USP3: variants seen among roughly 807,000 people sequenced by gnomAD.
The protein encoded by USP3 is ubiquitin carboxyl-terminal hydrolase 3.
In USP3, 20 loss-of-function variants were observed where a neutral mutation model predicts 72.3. The observed-to-expected ratio is 0.28, with a 90% CI of 0.19 to 0.40. The LOEUF (loss-of-function observed/expected upper bound fraction) is 0.40, where lower values mean the gene tolerates loss of function less well. Among genes scored for constraint, USP3 ranks in the 10% least tolerant of loss-of-function variants. USP3 has a pLI of 1.00. For missense variants in USP3, 479 were observed against 633.9 expected (o/e 0.76, Z 2.62); for synonymous variants, 222 against 225.3 (o/e 0.99, Z 0.13).
intron 3 of USP3, among the ~76,000 whole-genome samples, chr15:63,543,612 T>C (rs1010544208): frequency 1.3e-5 from 2 of 152,250 alleles, no homozygotes; most frequent in Non-Finnish European, 2.9e-5. Context: ...TGCTTAGTTA[T>C]ATGGATTTAT....
In USP3 at chr15:63,529,852, C is replaced by T. The variant is rs1039350243; in HGVS notation, c.92-2795C>T. 1.3e-5 allele frequency among the ~76,000 whole-genome samples: 2 copies of T among 152,158 alleles called. No homozygotes were observed. Among genetic ancestry groups the T allele is most frequent in the Non-Finnish European group, 2.9e-5 (2 of 68,018 alleles). ...GGTAGTTAAAAACTTGGGCCTAGGCCAGGTGCAGAGGCTCATACCTATAAT... is the reference window on the plus strand; with the variant it reads ...GGTAGTTAAAAACTTGGGCCTAGGCTAGGTGCAGAGGCTCATACCTATAAT... On this transcript the variant is annotated intron_variant, in intron 1 of 14. Coordinates refer to ENST00000380324, the MANE Select transcript of USP3 (RefSeq NM_006537.4). This position sits in a 1 kb window ranked among gnomAD's most constrained non-coding sequence, Gnocchi z 4.2.
chr15:63,520,395 A>G (rs1007244189), intron 1 of USP3, among the ~76,000 whole-genome samples: 23 of 152,144 alleles, frequency 1.5e-4, no homozygotes, highest in African/African-American at 5.1e-4. Flanking sequence ...AAAACCCCTT[A>G]TAACTCAAGT....
rs1566924405 is a variant in USP3, at chr15:63,592,216, C to T, written c.*1390C>T. The T allele has an allele frequency of 6.6e-6, 1 of 150,512 alleles. No individual in the cohort carries two copies. The highest frequency in any genetic ancestry group is 1.9e-4 in the East Asian group (1 of 5,192). 9.3% of individuals were successfully genotyped at this position (150,512 alleles called of 1,614,324 possible). ...GATTACAGGCGTGAGCCATCACGCCCAGACAGTTTTGTTTTTAAAAAACAG... is the reference window on the plus strand; with the variant it reads ...GATTACAGGCGTGAGCCATCACGCCTAGACAGTTTTGTTTTTAAAAAACAG... On this transcript the variant is annotated 3_prime_UTR_variant, in exon 15 of 15. Coordinates refer to ENST00000380324, the MANE Select transcript of USP3 (RefSeq NM_006537.4).
intron 1 of USP3, among the ~76,000 whole-genome samples, chr15:63,513,621 C>T (rs1043612791): frequency 1.3e-5 from 2 of 152,138 alleles, no homozygotes; most frequent in African/African-American, 4.8e-5. Context: ...GTGATCTTTC[C>T]ACCTCAGCCT....
chr15:63,574,457 T>G lies in USP3; in HGVS notation c.1096+54T>G. 1 of 1,335,934 alleles carries G rather than the reference T, an allele frequency of 7.5e-7. No homozygotes were observed. The allele number at this position is 1,335,934 out of a possible 1,614,324, so 82.8% of individuals were successfully genotyped here. A position where few individuals can be genotyped will look rare whatever the true frequency, so the allele number is the denominator to read the frequency against. ...TTTTTCTTTAAATAATTGAATAGAT[T>G]GATAAGCTTCATCTATATGTGGTAT... On this transcript the variant is annotated intron_variant, in intron 11 of 14. Coordinates refer to ENST00000380324, the MANE Select transcript of USP3 (RefSeq NM_006537.4). The surrounding 1 kb of genome is among the most constrained non-coding windows in gnomAD (Gnocchi z 4.6).
rs1002537681 is a variant in USP3 at position 63,528,145 on chromosome 15, G to GT, written c.92-4501dup. 3.3e-5 allele frequency: 5 copies of GT among 152,276 alleles called. No homozygotes were observed. The highest frequency in any genetic ancestry group is 3.3e-4 in the Admixed American group (5 of 15,286). The allele number at this position is 152,276 out of a possible 1,614,324, so 9.4% of individuals were successfully genotyped here. A position where few individuals can be genotyped will look rare whatever the true frequency, so the allele number is the denominator to read the frequency against. Reference sequence around the variant, plus strand: ...GGAGGCAGTGAAAGGAGCCTAGTGAGTATCAGCCTCTGGACTGAGAAGTGA... The same window carrying GT: ...GGAGGCAGTGAAAGGAGCCTAGTGAGTTATCAGCCTCTGGACTGAGAAGTGA... On this transcript the variant is annotated intron_variant, in intron 1 of 14. Transcript: ENST00000380324. The surrounding 1 kb of genome is among the most constrained non-coding windows in gnomAD (Gnocchi z 4.3).
rs1210661793 is a variant in USP3, at chr15:63,580,641, C to CATATATATATATATAT, written c.1096+6248_1096+6249insATATATATATATATAT. ...ATCTTAAGAGTTTCAGAAAGTGGTGCATATATATATGAATATATAATATAT... is the reference window on the plus strand; with the variant it reads ...ATCTTAAGAGTTTCAGAAAGTGGTGCATATATATATATATATATATATATATGAATATATAATATAT... On this transcript the variant is annotated intron_variant, in intron 11 of 14. Coordinates refer to ENST00000380324, the MANE Select transcript of USP3 (RefSeq NM_006537.4). Among the ~76,000 whole-genome samples the CATATATATATATATAT allele has an allele frequency of 1.6e-3, 78 of 49,536 alleles. 1 individual carries two copies. The highest frequency in any genetic ancestry group is 2.9e-3 in the Admixed American group (18 of 6,178). 32.5% of individuals were successfully genotyped at this position (49,536 alleles called of 152,430 possible).
intron 8 of USP3, among the ~76,000 whole-genome samples, chr15:63,566,062 T>C (rs1305715463): frequency 1.3e-5 from 2 of 152,190 alleles, no homozygotes; most frequent in Non-Finnish European, 2.9e-5. Context: ...AAGCTAACAC[T>C]CTTCAGGAAA....
intron 11 of USP3, among the ~76,000 whole-genome samples, chr15:63,585,105 G>T (rs2067033883): frequency 6.6e-6 from 1 of 152,100 alleles, no homozygotes; most frequent in Admixed American, 6.5e-5. Flanking sequence ...CCTTATGCCA[G>T]TGCCATCCTG....
intron 1 of USP3, chr15:63,530,553 T>TC: frequency 2.0e-5 from 8 of 396,504 alleles, no homozygotes; most frequent in Non-Finnish European, 3.4e-5. Flanking sequence ...ACTCAAGCAA[T>TC]CTGCCTGCCT....
At chr15:63,525,642 T>C (rs2065971729) in intron 1 of USP3, among the ~76,000 whole-genome samples, 1 of 152,214 alleles carries the variant, frequency 6.6e-6, no homozygotes. Flanking sequence ...TAGAAGAGAC[T>C]TCTGAAATTT....
At position 63,588,290 on chromosome 15, in the gene USP3, A is replaced by T. The variant is rs1177038352; in HGVS notation, c.1097-15A>T. 6.3e-7 allele frequency: 1 copy of T among 1,576,784 alleles called. No homozygotes were observed. The highest frequency in any genetic ancestry group is 8.6e-7 in the Non-Finnish European group (1 of 1,165,506). On this transcript the variant is annotated splice_polypyrimidine_tract_variant and intron_variant, in intron 11 of 14. Transcript: ENST00000380324. This position sits in a 1 kb window ranked among gnomAD's most constrained non-coding sequence, Gnocchi z 4.6. ...AGGCATCTTGTTTTAATGCTGCCAA[A>T]ATCAATTTGTTTAGATTGTCTTCGC...
Position 63,553,851 on chromosome 15 carries a change from C to T in USP3, c.368+53C>T, listed in dbSNP as rs1450150674. 6.9e-7 allele frequency: 1 copy of T among 1,456,588 alleles called. No homozygotes were observed. The highest frequency in any genetic ancestry group is 9.3e-7 in the Non-Finnish European group (1 of 1,072,548). The allele number at this position is 1,456,588 out of a possible 1,614,324, so 90.2% of individuals were successfully genotyped here. A position where few individuals can be genotyped will look rare whatever the true frequency, so the allele number is the denominator to read the frequency against. Reference sequence around the variant, plus strand: ...GGGCCTAAGAATGGGGTTGAGGAGTCTTTTAGAATTTTTGAGTGGGGTTTT... The same window carrying T: ...GGGCCTAAGAATGGGGTTGAGGAGTTTTTTAGAATTTTTGAGTGGGGTTTT... On this transcript the variant is annotated intron_variant, in intron 4 of 14. Transcript: ENST00000380324. The surrounding 1 kb of genome is among the most constrained non-coding windows in gnomAD (Gnocchi z 4.2).
intron 1 of USP3, among the ~76,000 whole-genome samples, chr15:63,520,060 A>G (rs1027369244): frequency 6.6e-6 from 1 of 152,090 alleles, no homozygotes; most frequent in Non-Finnish European, 1.5e-5. Flanking sequence ...CCATTTCTCC[A>G]AGTAGCCCTC....
intron 1 of USP3, among the ~76,000 whole-genome samples, chr15:63,516,369 T>C (rs1405868622): frequency 6.6e-6 from 1 of 152,216 alleles, no homozygotes; most frequent in Non-Finnish European, 1.5e-5. Flanking sequence ...TGTTCTCTTA[T>C]AATATTAGAT....
intron 3 of USP3, among the ~76,000 whole-genome samples, chr15:63,537,627 G>A (rs1337031377): frequency 3.9e-5 from 6 of 151,926 alleles, no homozygotes; most frequent in South Asian, 2.1e-4. Flanking sequence ...GCAGTTCCAC[G>A]CTCCTCTTCT....
chr15:63,542,189 A>G (rs1269987362), intron 3 of USP3: 4 of 985,104 alleles, frequency 4.1e-6, no homozygotes, highest in Non-Finnish European at 4.8e-6. Context: ...AAGCTGAGAA[A>G]GAGGTAGAGA....
rs2066032543 is a variant in USP3 at position 63,529,282 on chromosome 15, C to T, written c.92-3365C>T. The T allele has an allele frequency of 5.3e-6, 2 of 374,512 alleles. No homozygotes were observed. The highest frequency in any genetic ancestry group is 1.0e-5 in the Non-Finnish European group (2 of 196,476). The allele number at this position is 374,512 out of a possible 1,614,324, so 23.2% of individuals were successfully genotyped here. On this transcript the variant is annotated intron_variant, in intron 1 of 14. Transcript: ENST00000380324. This position sits in a 1 kb window ranked among gnomAD's most constrained non-coding sequence, Gnocchi z 4.2. ...AGTACTTTATTCCCTTTTACTTTCT[C>T]TCCTTATCATTACGTATCTGTCTGT...
chr15:63,529,526 T>C lies in USP3; in HGVS notation c.92-3121T>C, dbSNP rs753255380. Among the ~76,000 whole-genome samples the C allele has an allele frequency of 6.6e-6, 1 of 152,180 alleles. No individual in the cohort carries two copies. The highest frequency in any genetic ancestry group is 1.5e-5 in the Non-Finnish European group (1 of 68,036). The stretch of plus-strand genomic sequence containing the variant: ...TTTTTTGGTTTTTTAAAATGTGTTA[T>C]TGAATTGAGAAATTAAAAAAAATTA... On this transcript the variant is annotated intron_variant, in intron 1 of 14. Coordinates refer to ENST00000380324, the MANE Select transcript of USP3 (RefSeq NM_006537.4). This position sits in a 1 kb window ranked among gnomAD's most constrained non-coding sequence, Gnocchi z 4.2.
Sources: gnomAD v4.1 joint callset for allele counts (sites outside exome capture counted in the v4.1 genomes callset) on GRCh38, gnomAD v4.1.1 for gene constraint, Gnocchi (gnomAD v3.1) non-coding constraint, MANE v1.5 for transcripts, NCBI Gene and HGNC (gene_info 2026-07-23, HGNC 2026-07-21) for gene names.